Variants in ACOXL observed in about 807,000 individuals in gnomAD.
ACOXL encodes the protein acyl-CoA oxidase like, also known as acyl-coenzyme A oxidase-like protein.
In ACOXL, 70 loss-of-function variants were observed where a neutral mutation model predicts 71.9. The ratio of observed to expected loss-of-function variants is 0.97; its 90% CI spans 0.80 to 1.19. The LOEUF (loss-of-function observed/expected upper bound fraction) is 1.19, where lower values mean the gene tolerates loss of function less well. ACOXL is among the 50% of genes most tolerant of loss of function. The pLI is 0.00. For missense variants in ACOXL, 703 were observed against 736.3 expected, an observed-to-expected ratio of 0.95 and a Z score of 0.52; for synonymous variants, 253 against 281.6, an observed-to-expected ratio of 0.90 and a Z score of 1.02.
At chr2:111,034,556 A>C (rs767082760) in intron 15 of ACOXL, among the ~76,000 whole-genome samples, 1 of 152,264 alleles carries the variant, frequency 6.6e-6, no homozygotes, top group African/African-American at 2.4e-5. Flanking sequence ...TCAATGTCAG[A>C]TAAAGAGGAC....
At chr2:110,937,034 A>G (rs2060691125) in intron 12 of ACOXL, among the ~76,000 whole-genome samples, 1 of 152,102 alleles carries the variant, frequency 6.6e-6, no homozygotes, top group Non-Finnish European at 1.5e-5. Flanking sequence ...TTTAGTAGAG[A>G]TGGGGTTTTA....
intron 1 of ACOXL, among the ~76,000 whole-genome samples, chr2:110,767,812 G>A (rs1024063858): frequency 5.3e-5 from 8 of 152,102 alleles, no homozygotes; most frequent in African/African-American, 1.9e-4. Flanking sequence ...TTGGCCGGGC[G>A]CGGTGGCTCA....
At chr2:110,759,934 G>A (rs988334424) in intron 1 of ACOXL, among the ~76,000 whole-genome samples, 10 of 151,926 alleles carry the variant, frequency 6.6e-5, no homozygotes, top group Admixed American at 3.3e-4. Context: ...TTATTCTAAT[G>A]TATATTTTAA....
At chr2:110,955,575 CAT>C (rs1553439569) in intron 12 of ACOXL, among the ~76,000 whole-genome samples, 2 of 152,092 alleles carry the variant, frequency 1.3e-5, no homozygotes, top group African/African-American at 4.8e-5. Flanking sequence ...CCTAAACTAA[CAT>C]AAAATAAATC....
intron 12 of ACOXL, among the ~76,000 whole-genome samples, chr2:110,948,680 G>A (rs1452287286): frequency 6.9e-6 from 1 of 144,246 alleles, no homozygotes; most frequent in African/African-American, 2.6e-5. Context: ...AGGAGCCAGG[G>A]ACCAAGGAAG....
chr2:110,770,083 G>T (rs763356304), intron 2 of ACOXL, among the ~76,000 whole-genome samples: 1 of 152,000 alleles, frequency 6.6e-6, no homozygotes, highest in Non-Finnish European at 1.5e-5. Flanking sequence ...AACACCACCC[G>T]CCCTCTGAGA....
At chr2:111,032,991 T>A (rs1425270330) in intron 15 of ACOXL, among the ~76,000 whole-genome samples, 1 of 152,204 alleles carries the variant, frequency 6.6e-6, no homozygotes, top group Non-Finnish European at 1.5e-5. Flanking sequence ...CACCTTTGGG[T>A]GAGCCTCCTA....
At chr2:111,089,086 G>A (rs1334485124) in intron 16 of ACOXL, among the ~76,000 whole-genome samples, 2 of 152,110 alleles carry the variant, frequency 1.3e-5, no homozygotes, top group East Asian at 3.9e-4. Flanking sequence ...GGATCACAAG[G>A]TCAAGAGATC....
intron 10 of ACOXL, among the ~76,000 whole-genome samples, chr2:110,865,898 G>A (rs1694530863): frequency 6.6e-6 from 1 of 151,060 alleles, no homozygotes; most frequent in Admixed American, 6.6e-5. Context: ...ACCTACCATG[G>A]TAGGTTTATT....
At chr2:110,987,661 A>T (rs1307816860) in intron 13 of ACOXL, among the ~76,000 whole-genome samples, 1 of 152,234 alleles carries the variant, frequency 6.6e-6, no homozygotes, top group Non-Finnish European at 1.5e-5. Context: ...ATTGTCTGTT[A>T]GCTTTATAAA....
intron 14 of ACOXL, among the ~76,000 whole-genome samples, chr2:111,030,146 C>T (rs764111113): frequency 2.6e-5 from 4 of 152,036 alleles, no homozygotes; most frequent in Non-Finnish European, 4.4e-5. Context: ...GGGGGATAGT[C>T]GGTGCATGAT....
intron 14 of ACOXL, among the ~76,000 whole-genome samples, chr2:110,997,032 C>T (rs757413747): frequency 6.6e-6 from 1 of 152,154 alleles, no homozygotes; most frequent in African/African-American, 2.4e-5. Context: ...TAAATCACTC[C>T]ACATATCCTC....
intron 17 of ACOXL, among the ~76,000 whole-genome samples, chr2:111,107,052 C>T (rs886895593): frequency 1.1e-4 from 17 of 152,296 alleles, no homozygotes; most frequent in African/African-American, 2.2e-4. Context: ...ATGTGGTCTC[C>T]GCTGACACCA....
rs772728134 is a variant in ACOXL, at chr2:110,768,398, T to C, written c.9T>C (p.Ala3=). Residue 3 remains alanine (A), a synonymous_variant, in exon 2 of 18, where the codon GCT becomes GCC. Transcript: ENST00000439055. MR[A]LTVQRVKFAM... ...ATTTAAGCTTGGATGAAATGAGAGC[T>C]TTGACAGTTCAGAGAGTGAAGTTTG... is the stretch of plus-strand genomic sequence containing the variant. The C allele has an allele frequency of 1.9e-6, 3 of 1,614,020 alleles. No homozygotes were observed. Among genetic ancestry groups the C allele is most frequent in the African/African-American group, 2.7e-5 (2 of 74,994 alleles).
intron 10 of ACOXL, among the ~76,000 whole-genome samples, chr2:110,853,340 C>T (rs1475739563): frequency 6.6e-6 from 1 of 152,158 alleles, no homozygotes; most frequent in African/African-American, 2.4e-5. Flanking sequence ...GGAAAAGTGC[C>T]TGGGTAGAGA....
chr2:110,794,272 G>C (rs994815089), intron 5 of ACOXL, 98 bp downstream of exon 5: 1 of 1,164,592 alleles, frequency 8.6e-7, no homozygotes, highest in Non-Finnish European at 1.2e-6. Context: ...CCCTCTGTGT[G>C]TGCTCTCTGG....
chr2:110,763,496 C>G (rs550391483), intron 1 of ACOXL, among the ~76,000 whole-genome samples: 44 of 152,232 alleles, frequency 2.9e-4, no homozygotes, highest in African/African-American at 1.1e-3. Flanking sequence ...AACCCCCACC[C>G]CCACATAAAT....
intron 11 of ACOXL, among the ~76,000 whole-genome samples, chr2:110,930,699 TG>T (rs1274148802): frequency 6.6e-6 from 1 of 152,142 alleles, no homozygotes; most frequent in African/African-American, 2.4e-5. Context: ...AATTGAATCA[TG>T]GGGGCAGTTT....
At chr2:110,886,242 CAT>C (rs1697272177) in intron 10 of ACOXL, among the ~76,000 whole-genome samples, 1 of 152,152 alleles carries the variant, frequency 6.6e-6, no homozygotes, top group Non-Finnish European at 1.5e-5. Context: ...AAACCATACA[CAT>C]ATATTATTTT....
Sources: gnomAD v4.1 joint callset for allele counts (sites outside exome capture counted in the v4.1 genomes callset) on GRCh38, gnomAD v4.1.1 for gene constraint, MANE v1.5 for transcripts, NCBI Gene and HGNC (gene_info 2026-07-23, HGNC 2026-07-21) for gene names.